EPM2A: variants seen among roughly 807,000 people sequenced by gnomAD.
The protein encoded by EPM2A is laforin.
In EPM2A, 21 loss-of-function variants were observed where a neutral mutation model predicts 26.5. The observed-to-expected ratio is 0.79, with a 90% CI of 0.56 to 1.14. The LOEUF is 1.14. EPM2A is among the 50% of genes most tolerant of loss of function. The pLI is 0.00. For synonymous variants in EPM2A, 217 were observed against 177.6 expected (o/e 1.22, Z -1.76); for missense variants, 458 against 440.8 (o/e 1.04, Z -0.35).
At position 145,627,622 on chromosome 6, in the gene EPM2A, C is replaced by A; in HGVS notation, c.790G>T (p.Val264Leu). ...CGGCCCACCCCAGCGTTGCAGTGCA[C>A]GTACACGATGTGTCCCTTCTCCAGC... is the stretch of plus-strand genomic sequence containing the variant. ...ALLEKGHIVY[V>L]HCNAGVGRST... Residue 264 changes from valine (V) to leucine (L), a missense_variant, in exon 4 of 4, where the codon GTG (valine) becomes TTG (leucine). Coordinates refer to ENST00000367519, the MANE Select transcript of EPM2A (RefSeq NM_005670.4). 6.2e-7 allele frequency: 1 copy of A among 1,614,214 alleles called. No homozygotes were observed. The highest frequency in any genetic ancestry group is 8.5e-7 in the Non-Finnish European group (1 of 1,180,042).
chr6:145,414,858 T>G (rs1778686959), intron 4 of EPM2A, among the ~76,000 whole-genome samples: 1 of 152,204 alleles, frequency 6.6e-6, no homozygotes, highest in Non-Finnish European at 1.5e-5. Context: ...CATAGCTCAT[T>G]TCAGTTTATT....
intron 2 of EPM2A, among the ~76,000 whole-genome samples, chr6:145,611,284 G>T (rs980322293): frequency 1.3e-5 from 2 of 151,836 alleles, no homozygotes; most frequent in Non-Finnish European, 2.9e-5. Context: ...TTATTATTTT[G>T]CATGAATATT....
intron 2 of EPM2A, among the ~76,000 whole-genome samples, chr6:145,649,502 G>A (rs1396324079): frequency 6.6e-6 from 1 of 152,170 alleles, no homozygotes; most frequent in African/African-American, 2.4e-5. Flanking sequence ...ATATGATGGG[G>A]GCAAATTGTG....
At chr6:145,469,726 T>C (rs1021761044) in intron 4 of EPM2A, among the ~76,000 whole-genome samples, 2 of 152,148 alleles carry the variant, frequency 1.3e-5, no homozygotes, top group African/African-American at 4.8e-5. Flanking sequence ...ATTCCTATGT[T>C]TACTGCAGCA....
chr6:145,643,794 TAAAAA>T (rs1777257444), intron 2 of EPM2A, among the ~76,000 whole-genome samples: 1 of 151,974 alleles, frequency 6.6e-6, no homozygotes, highest in African/African-American at 2.4e-5. Flanking sequence ...ATTCCTGGGA[TAAAAA>T]GGGATTCCAT....
intron 4 of EPM2A, among the ~76,000 whole-genome samples, chr6:145,442,062 T>G (rs529633416): frequency 1.3e-4 from 20 of 152,292 alleles, no homozygotes; most frequent in African/African-American, 4.3e-4. Flanking sequence ...AGAGTCATCT[T>G]TGCTCTCGTT....
At chr6:145,489,707 C>G in intron 4 of EPM2A, 1 of 1,430,056 alleles carries the variant, frequency 7.0e-7, no homozygotes, top group Non-Finnish European at 9.9e-7. Flanking sequence ...GGCTTGCTCT[C>G]TAATCCTCAG....
At chr6:145,448,797 A>G (rs1454218696) in intron 4 of EPM2A, among the ~76,000 whole-genome samples, 1 of 152,194 alleles carries the variant, frequency 6.6e-6, no homozygotes, top group Non-Finnish European at 1.5e-5. Flanking sequence ...GAAACTTAAA[A>G]GATAATTTGT....
chr6:145,667,455 C>T (rs1779290775), intron 2 of EPM2A, among the ~76,000 whole-genome samples: 3 of 146,164 alleles, frequency 2.1e-5, no homozygotes, highest in African/African-American at 8.0e-5. Context: ...CAAATCAAAA[C>T]CACAATGAGA....
At chr6:145,515,174 G>C (rs1366021363) in intron 2 of EPM2A, among the ~76,000 whole-genome samples, 2 of 152,154 alleles carry the variant, frequency 1.3e-5, no homozygotes, top group Non-Finnish European at 2.9e-5. Context: ...GCAATAATCA[G>C]AGAAAAACAA....
Position 145,535,151 on chromosome 6 carries a change from C to T in EPM2A, c.341-32576G>A, listed in dbSNP as rs140319642. Among the ~76,000 whole-genome samples the T allele has an allele frequency of 1.2e-4, 18 of 152,332 alleles. No homozygotes were observed. In the East Asian group the frequency reaches 3.3e-3, roughly 28 times the overall value. On this transcript the variant is annotated intron_variant, in intron 2 of 3. Transcript: ENST00000450221. ...CCCATTACTCCAAGCCAGTCAACAG[C>T]CGCACCCTTGGATCATGAGACACGC...
At chr6:145,697,154 G>A (rs945706393) in intron 1 of EPM2A, among the ~76,000 whole-genome samples, 18 of 151,972 alleles carry the variant, frequency 1.2e-4, no homozygotes, top group African/African-American at 3.4e-4. Context: ...AGTGTCAGCC[G>A]ATCTGAGAAA....
intron 2 of EPM2A, among the ~76,000 whole-genome samples, chr6:145,643,149 G>A (rs1777211158): frequency 6.6e-6 from 1 of 152,114 alleles, no homozygotes; most frequent in South Asian, 2.1e-4. Context: ...AATAGTTGAG[G>A]AAAAGAGAAG....
intron 2 of EPM2A, among the ~76,000 whole-genome samples, chr6:145,584,920 C>T (rs1781168463): frequency 6.6e-6 from 1 of 152,204 alleles, no homozygotes; most frequent in Non-Finnish European, 1.5e-5. Context: ...CATCTTGGCT[C>T]TCTCTCTTTC....
Position 145,627,506 on chromosome 6 carries a change from A to G in EPM2A, c.906T>C (p.Ala302=), listed in dbSNP as rs931771940. 1 of 1,614,254 alleles carries G rather than the reference A, an allele frequency of 6.2e-7. No individual in the cohort carries two copies. Among genetic ancestry groups the G allele is most frequent in the Non-Finnish European group, 8.5e-7 (1 of 1,180,046 alleles). Residue 302 remains alanine (A), a synonymous_variant, in exon 4 of 4, where the codon GCT becomes GCC. Coordinates refer to ENST00000367519, the MANE Select transcript of EPM2A (RefSeq NM_005670.4). ...VQYFLMAKRP[A]VYIDEEALAR... is the part of the protein sequence containing the mutation. ...CCAAGGCCTCTTCGTCAATGTAGACAGCCGGCCTCTTGGCCATGAGGAAAT... is the reference window on the plus strand; with the variant it reads ...CCAAGGCCTCTTCGTCAATGTAGACGGCCGGCCTCTTGGCCATGAGGAAAT...
At chr6:145,563,406 A>G (rs1327386633) in intron 2 of EPM2A, among the ~76,000 whole-genome samples, 2 of 151,940 alleles carry the variant, frequency 1.3e-5, no homozygotes, top group Non-Finnish European at 2.9e-5. Flanking sequence ...AAGTCCTTGA[A>G]TGTTTGAGGA....
At chr6:145,564,677 G>A (rs770248078) in intron 2 of EPM2A, among the ~76,000 whole-genome samples, 4 of 151,508 alleles carry the variant, frequency 2.6e-5, no homozygotes, top group Non-Finnish European at 5.9e-5. Flanking sequence ...TCAAAGTATG[G>A]AGATGGCCTC....
At chr6:145,673,328 G>A (rs1292957961) in intron 2 of EPM2A, among the ~76,000 whole-genome samples, 1 of 152,198 alleles carries the variant, frequency 6.6e-6, no homozygotes, top group Admixed American at 6.5e-5. Flanking sequence ...CGAATAGGAA[G>A]CACTCTGATC....
At chr6:145,401,102 AT>A (rs1170226154) in intron 4 of EPM2A, among the ~76,000 whole-genome samples, 2 of 152,198 alleles carry the variant, frequency 1.3e-5, no homozygotes, top group African/African-American at 4.8e-5. Context: ...AATAGAACAA[AT>A]ATATTTCCAT....
Sources: allele counts gnomAD v4.1 joint callset (sites outside exome capture counted in the v4.1 genomes callset), GRCh38; gene constraint gnomAD v4.1.1; transcripts MANE v1.5; gene names NCBI Gene and HGNC (gene_info 2026-07-23, HGNC 2026-07-21).